BCAS3: variants seen among roughly 807,000 people sequenced by gnomAD.
BCAS3 encodes BCAS3 microtubule associated cell migration factor, also known as BCAS4/BCAS3 fusion.
In BCAS3, 53 loss-of-function variants were observed where a neutral mutation model predicts 116.1. The ratio of observed to expected loss-of-function variants is 0.46; its 90% CI spans 0.37 to 0.57. The LOEUF (loss-of-function observed/expected upper bound fraction) is 0.57, where lower values mean the gene tolerates loss of function less well. Among genes scored for constraint, BCAS3 ranks in the 20% least tolerant of loss-of-function variants. The pLI, the probability that BCAS3 is intolerant of heterozygous loss-of-function variation, is 0.00. For synonymous variants in BCAS3, 391 were observed against 408.2 expected, an observed-to-expected ratio of 0.96 and a Z score of 0.51; for missense variants, 917 against 1,165.4, an observed-to-expected ratio of 0.79 and a Z score of 3.10.
intron 14 of BCAS3, among the ~76,000 whole-genome samples, chr17:60,955,875 G>A (rs1434922516): frequency 1.3e-5 from 2 of 152,180 alleles, no homozygotes; most frequent in East Asian, 3.8e-4. Flanking sequence ...GAATGTCACA[G>A]AGTAGGTGCT....
At chr17:60,937,796 G>A (rs1372286203) in intron 13 of BCAS3, among the ~76,000 whole-genome samples, 1 of 151,994 alleles carries the variant, frequency 6.6e-6, no homozygotes, top group Admixed American at 6.6e-5. Flanking sequence ...TCCATTCAAG[G>A]TGTACTTTAT....
chr17:60,781,637 C>A (rs2045843408), intron 6 of BCAS3, among the ~76,000 whole-genome samples: 1 of 151,694 alleles, frequency 6.6e-6, no homozygotes, highest in Non-Finnish European at 1.5e-5. Flanking sequence ...CCTAGACTGC[C>A]TTATACTTAC....
intron 12 of BCAS3, among the ~76,000 whole-genome samples, chr17:60,916,835 G>A (rs374588243): frequency 5.6e-4 from 85 of 152,186 alleles, no homozygotes; most frequent in African/African-American, 2.0e-3. Flanking sequence ...AATATGTGAA[G>A]AACTCTTATA....
At position 61,034,690 on chromosome 17, in the gene BCAS3, T is replaced by C. The variant is rs1170403236; in HGVS notation, c.1662T>C (p.Ile554=). The C allele has an allele frequency of 6.8e-6, 11 of 1,609,896 alleles. No homozygotes were observed. Among genetic ancestry groups the C allele is most frequent in the Non-Finnish European group, 4.2e-6 (5 of 1,177,574 alleles). The change falls in exon 17 of 24, where the codon ATT becomes ATC. Residue 554 remains isoleucine (I), a synonymous_variant. Transcript: ENST00000407086. The surrounding 1 kb of genome is among the most constrained non-coding windows in gnomAD (Gnocchi z 5.0). The part of the protein sequence containing the change: ...RTGKVKPPPQ[I]SPSKSMGGEF... Reference sequence around the variant, plus strand: ...GCAAAGTTAAACCTCCTCCACAAATTTCACCCAGCAAATCGATGGGCGGAG... The same window carrying C: ...GCAAAGTTAAACCTCCTCCACAAATCTCACCCAGCAAATCGATGGGCGGAG...
rs995691941 is a variant in BCAS3, at chr17:61,016,032, A to G, written c.1637+131A>G. 13 of 976,158 alleles carry G rather than the reference A, an allele frequency of 1.3e-5. No individual in the cohort carries two copies. The African/African-American group carries it at 1.6e-4, about 12-fold the overall frequency. The allele number at this position is 976,158 out of a possible 1,614,324, so 60.5% of individuals were successfully genotyped here. A position where few individuals can be genotyped will look rare whatever the true frequency, so the allele number is the denominator to read the frequency against. ...TCCAGCTCAAATAAGACTTAATGGC[A>G]TCAGATTAAGTACAAAGCATAGAAC... On this transcript the variant is annotated intron_variant, in intron 16 of 23. Coordinates refer to ENST00000407086, the MANE Select transcript of BCAS3 (RefSeq NM_017679.5).
In BCAS3 at chr17:60,918,756, G is replaced by A. The variant is rs868724810; in HGVS notation, c.994-5651G>A. Among the ~76,000 whole-genome samples the A allele has an allele frequency of 2.6e-4, 39 of 148,676 alleles. 1 individual carries two copies. The highest frequency in any genetic ancestry group is 1.5e-4 in the Non-Finnish European group (10 of 67,450). Reference sequence around the variant, plus strand: ...CACCCACGCTGGAGTGCAGTGGCGCGATCTTGGCTCACTGCAAGCTCCGCA... The same window carrying A: ...CACCCACGCTGGAGTGCAGTGGCGCAATCTTGGCTCACTGCAAGCTCCGCA... On this transcript the variant is annotated intron_variant, in intron 12 of 23. Coordinates refer to ENST00000407086, the MANE Select transcript of BCAS3 (RefSeq NM_017679.5).
At chr17:61,385,034 G>A (rs1215911322) in intron 23 of BCAS3, among the ~76,000 whole-genome samples, 1 of 152,212 alleles carries the variant, frequency 6.6e-6, no homozygotes, top group African/African-American at 2.4e-5. Flanking sequence ...TGCCCTGGGG[G>A]CTGAGGCTGG....
chr17:60,766,970 T>C (rs894537992), intron 6 of BCAS3, among the ~76,000 whole-genome samples: 3 of 152,202 alleles, frequency 2.0e-5, no homozygotes, highest in Non-Finnish European at 2.9e-5. Flanking sequence ...GCTCTAGCAG[T>C]GAGCAAGGCT....
In BCAS3 at chr17:61,383,450, G is replaced by C. The variant is rs188999860; in HGVS notation, c.2594-8527G>C. On this transcript the variant is annotated intron_variant, in intron 23 of 23. Coordinates refer to ENST00000407086, the MANE Select transcript of BCAS3 (RefSeq NM_017679.5). ...AGGGTCAGGGAGACACTTTCAGAAG[G>C]AGTAGGGGCACTAACTCACCACCCC... is the stretch of plus-strand genomic sequence containing the variant. 4 of 152,518 alleles carry C rather than the reference G, an allele frequency of 2.6e-5. No individual in the cohort carries two copies. The East Asian group carries it at 7.7e-4, about 29-fold the overall frequency. 9.4% of individuals were successfully genotyped at this position (152,518 alleles called of 1,614,324 possible). A position where few individuals can be genotyped will look rare whatever the true frequency, so the allele number is the denominator to read the frequency against.
chr17:60,912,482 C>T (rs2058566897), intron 12 of BCAS3, among the ~76,000 whole-genome samples: 1 of 151,932 alleles, frequency 6.6e-6, no homozygotes, highest in Non-Finnish European at 1.5e-5. Context: ...GCAATTACAA[C>T]AAAAAAACTT....
rs1321568251 is a variant in BCAS3 at position 60,899,068 on chromosome 17, C to T, written c.739-3552C>T. 3.3e-5 allele frequency among the ~76,000 whole-genome samples: 5 copies of T among 152,132 alleles called. No individual in the cohort carries two copies. The East Asian group carries it at 9.6e-4, about 29-fold the overall frequency. ...CAGAACTAGGCTGGGTGGGCTTGTT[C>T]TCAGGCTCCCCAATGATGAGAGCAG... On this transcript the variant is annotated intron_variant, in intron 10 of 23. Transcript: ENST00000407086.
In BCAS3 at chr17:61,078,324, C is replaced by T; in HGVS notation, c.2131-9C>T. ...AACCATTTAAATCATCATTGCTACT[C>T]CATTCCAGGTTGAAATTGTAACACA... On this transcript the variant is annotated splice_polypyrimidine_tract_variant and intron_variant, in intron 20 of 23. Coordinates refer to ENST00000407086, the MANE Select transcript of BCAS3 (RefSeq NM_017679.5). The T allele has an allele frequency of 6.2e-7, 1 of 1,607,426 alleles. No individual in the cohort carries two copies. The highest frequency in any genetic ancestry group is 8.5e-7 in the Non-Finnish European group (1 of 1,176,032).
chr17:61,082,924 AT>A lies in BCAS3; in HGVS notation c.2328-1540del, dbSNP rs1444655678. Among the ~76,000 whole-genome samples the A allele has an allele frequency of 4.6e-5, 7 of 152,178 alleles. No individual in the cohort carries two copies. The highest frequency in any genetic ancestry group is 1.0e-4 in the Non-Finnish European group (7 of 68,026). ...TTTCTTCCTCACAACAAAAGCATGC[AT>A]TTCATAACTAGTCTGCAGTTCATAC... On this transcript the variant is annotated intron_variant, in intron 21 of 23. Transcript: ENST00000407086. The surrounding 1 kb of genome is among the most constrained non-coding windows in gnomAD (Gnocchi z 5.1).
chr17:60,910,511 A>G lies in BCAS3; in HGVS notation c.823-21A>G, dbSNP rs1475101953. On this transcript the variant is annotated intron_variant, in intron 11 of 23. Coordinates refer to ENST00000407086, the MANE Select transcript of BCAS3 (RefSeq NM_017679.5). ...TCCAAATACTGATGTGAAGTCATAC[A>G]TTTTACCTTTCATTGTACAGACATT... 11 of 1,566,582 alleles carry G rather than the reference A, an allele frequency of 7.0e-6. No homozygotes were observed. The African/African-American group carries it at 1.4e-4, about 20-fold the overall frequency.
At chr17:60,966,591 T>C (rs2061672502) in intron 14 of BCAS3, among the ~76,000 whole-genome samples, 1 of 150,838 alleles carries the variant, frequency 6.6e-6, no homozygotes, top group Non-Finnish European at 1.5e-5. Context: ...AGATCACAAA[T>C]AGAAGAGTAG....
At chr17:61,160,690 A>T (rs2078121065) in intron 22 of BCAS3, among the ~76,000 whole-genome samples, 1 of 152,186 alleles carries the variant, frequency 6.6e-6, no homozygotes, top group Non-Finnish European at 1.5e-5. Flanking sequence ...CAAAATATAA[A>T]AAAGGTCATG....
chr17:61,343,295 G>A lies in BCAS3; in HGVS notation c.2426-25032G>A, dbSNP rs996275482. On this transcript the variant is annotated intron_variant, in intron 22 of 23. Coordinates refer to ENST00000407086, the MANE Select transcript of BCAS3 (RefSeq NM_017679.5). This position sits in a 1 kb window ranked among gnomAD's most constrained non-coding sequence, Gnocchi z 5.5. ...AGAACAAGCCCTTCAATTGTGCACC[G>A]TTGTGTATGGTGCCAGAGTAGCTTC... Among the ~76,000 whole-genome samples, 26 of 152,334 alleles carry A rather than the reference G, an allele frequency of 1.7e-4. No homozygotes were observed. Among genetic ancestry groups the A allele is most frequent in the East Asian group, 1.9e-4 (1 of 5,190 alleles).
intron 22 of BCAS3, among the ~76,000 whole-genome samples, chr17:61,116,297 C>A (rs564831279): frequency 1.3e-5 from 2 of 151,360 alleles, no homozygotes; most frequent in Non-Finnish European, 3.0e-5. Flanking sequence ...AATTATGATC[C>A]TTTATGTATC....
intron 22 of BCAS3, among the ~76,000 whole-genome samples, chr17:61,164,523 C>T (rs1348336536): frequency 6.6e-6 from 1 of 152,132 alleles, no homozygotes; most frequent in African/African-American, 2.4e-5. Context: ...ATGAGGGTTC[C>T]ACCCCCATGA....
Sources: gnomAD v4.1 joint callset for allele counts (sites outside exome capture counted in the v4.1 genomes callset) on GRCh38, gnomAD v4.1.1 for gene constraint, Gnocchi (gnomAD v3.1) non-coding constraint, MANE v1.5 for transcripts, NCBI Gene and HGNC (gene_info 2026-07-23, HGNC 2026-07-21) for gene names.